Variants in RAB1A observed in about 807,000 individuals in gnomAD.
The protein encoded by RAB1A is RAB1A, member RAS oncogene family.
RAB1A carries 2 observed loss-of-function variants against 26.0 expected under a neutral mutation model. The observed-to-expected ratio is 0.08, with a 90% confidence interval of 0.03 to 0.24. The LOEUF (loss-of-function observed/expected upper bound fraction) is 0.24. RAB1A is among the 10% of genes least tolerant of loss of function. The pLI, the probability that RAB1A is intolerant of heterozygous loss-of-function variation, is 1.00. For synonymous variants in RAB1A, 84 were observed against 84.9 expected, an observed-to-expected ratio of 0.99 and a Z score of 0.06; for missense variants, 100 against 247.0, an observed-to-expected ratio of 0.40 and a Z score of 3.99.
chr2:65,104,667 C>G, intron 2 of RAB1A, 67 bp downstream of exon 2: 1 of 1,165,998 alleles, frequency 8.6e-7, no homozygotes, highest in East Asian at 2.6e-5. Context: ...TTAATTTTAT[C>G]TACCTAGAAA....
At chr2:65,119,896 G>C (rs1463944256) in intron 1 of RAB1A, among the ~76,000 whole-genome samples, 3 of 120,308 alleles carry the variant, frequency 2.5e-5, no homozygotes, top group African/African-American at 9.6e-5. Context: ...AAATAAAAAA[G>C]AGAGTAAGTT....
chr2:65,094,983 C>T (rs999092956), intron 3 of RAB1A, among the ~76,000 whole-genome samples: 1 of 151,976 alleles, frequency 6.6e-6, no homozygotes, highest in Non-Finnish European at 1.5e-5. Flanking sequence ...CTCTACAAGG[C>T]GGAGGAATAA....
intron 1 of RAB1A, among the ~76,000 whole-genome samples, chr2:65,128,299 T>A (rs1670151805): frequency 6.6e-6 from 1 of 152,170 alleles, no homozygotes; most frequent in Non-Finnish European, 1.5e-5. Context: ...AATAAACATA[T>A]ATATAGCAAA....
At chr2:65,126,143 G>T (rs552711987) in intron 1 of RAB1A, among the ~76,000 whole-genome samples, 26 of 151,838 alleles carry the variant, frequency 1.7e-4, no homozygotes, top group Non-Finnish European at 3.4e-4. Flanking sequence ...CATTAGAGAT[G>T]GCTGGGTACT....
At chr2:65,094,557 C>A (rs1457444443) in intron 3 of RAB1A, among the ~76,000 whole-genome samples, 2 of 146,528 alleles carry the variant, frequency 1.4e-5, no homozygotes, top group African/African-American at 5.1e-5. Flanking sequence ...GCACTCCAGT[C>A]TGGGCAACAA....
intron 2 of RAB1A, among the ~76,000 whole-genome samples, chr2:65,100,577 T>A (rs149597821): frequency 6.6e-6 from 1 of 151,636 alleles, no homozygotes; most frequent in Non-Finnish European, 1.5e-5. Context: ...CTGGCCAACA[T>A]GGTGAAACCC....
At chr2:65,098,247 C>T (rs549167314) in intron 2 of RAB1A, among the ~76,000 whole-genome samples, 181 bp from the exon 3 acceptor site, 1 of 152,298 alleles carries the variant, frequency 6.6e-6, no homozygotes, top group Non-Finnish European at 1.5e-5. Context: ...ACTCCATCCA[C>T]TTTCAGTACT....
intron 3 of RAB1A, among the ~76,000 whole-genome samples, chr2:65,093,917 C>G (rs1399010981): frequency 6.6e-6 from 1 of 150,926 alleles, no homozygotes; most frequent in Non-Finnish European, 1.5e-5. Flanking sequence ...CCACCGTGCC[C>G]GGCCTGTGTT....
At position 65,108,573 on chromosome 2, in the gene RAB1A, G is replaced by A. The variant is rs140608193; in HGVS notation, c.24-3767C>T. ...TGTAATCCCAGCACTCTGGGAGGCC[G>A]AAGCAGGTGGATCACCTGAGGTTGG... On this transcript the variant is annotated intron_variant, in intron 1 of 5. Coordinates refer to ENST00000409784, the MANE Select transcript of RAB1A (RefSeq NM_004161.5). Among the ~76,000 whole-genome samples, 1,157 of 151,302 alleles carry A rather than the reference G, an allele frequency of 7.6e-3. 12 individuals carry two copies. Among genetic ancestry groups the A allele is most frequent in the African/African-American group, 0.027 (1,095 of 41,218 alleles).
At chr2:65,090,716 T>G (rs868108982) in intron 4 of RAB1A, among the ~76,000 whole-genome samples, 1 of 152,342 alleles carries the variant, frequency 6.6e-6, no homozygotes, top group Non-Finnish European at 1.5e-5. Context: ...GTTAGAGTCT[T>G]GGCTATTTGA....
chr2:65,111,655 C>G (rs1669697323), intron 1 of RAB1A, among the ~76,000 whole-genome samples: 2 of 152,158 alleles, frequency 1.3e-5, no homozygotes, highest in East Asian at 3.9e-4. Flanking sequence ...ACAAATGTAC[C>G]ATGTATGTAA....
At chr2:65,109,892 C>T (rs191487438) in intron 1 of RAB1A, among the ~76,000 whole-genome samples, 1 of 152,212 alleles carries the variant, frequency 6.6e-6, no homozygotes, top group East Asian at 1.9e-4. Flanking sequence ...GTCTGTGTTT[C>T]TCCACCCTTA....
At chr2:65,090,149 ATAG>A (rs778618231) in intron 4 of RAB1A, among the ~76,000 whole-genome samples, 3 of 152,174 alleles carry the variant, frequency 2.0e-5, no homozygotes, top group Non-Finnish European at 2.9e-5. Context: ...TTTCACGGTA[ATAG>A]TAGAGATTTT....
At chr2:65,111,135 G>GTA (rs1669684483) in intron 1 of RAB1A, among the ~76,000 whole-genome samples, 1 of 152,202 alleles carries the variant, frequency 6.6e-6, no homozygotes, top group Admixed American at 6.6e-5. Flanking sequence ...GCCAACGCGG[G>GTA]TGGATTGCCT....
At chr2:65,101,432 C>G (rs78429303) in intron 2 of RAB1A, among the ~76,000 whole-genome samples, 3 of 152,178 alleles carry the variant, frequency 2.0e-5, no homozygotes, top group East Asian at 3.9e-4. Flanking sequence ...ATAGTCCTCA[C>G]GATTGTCTCT....
intron 2 of RAB1A, among the ~76,000 whole-genome samples, chr2:65,098,651 C>T (rs1669345822): frequency 6.6e-6 from 1 of 152,030 alleles, no homozygotes; most frequent in African/African-American, 2.4e-5. Context: ...AGGACATTTT[C>T]TTCACTCCAG....
At chr2:65,089,702 A>ATTTTTT (rs58993413) in intron 4 of RAB1A, among the ~76,000 whole-genome samples, 5,980 of 141,512 alleles carry the variant, frequency 0.042, 129 homozygotes, top group South Asian at 0.065. Flanking sequence ...AATTTGATTA[A>ATTTTTT]TTTTTTTTTT....
At chr2:65,126,253 G>A (rs1031750738) in intron 1 of RAB1A, among the ~76,000 whole-genome samples, 2 of 151,672 alleles carry the variant, frequency 1.3e-5, no homozygotes, top group African/African-American at 4.8e-5. Flanking sequence ...GGCAGAGATT[G>A]CAGTGAGCCA....
At chr2:65,124,721 A>G (rs1670056306) in intron 1 of RAB1A, among the ~76,000 whole-genome samples, 1 of 152,214 alleles carries the variant, frequency 6.6e-6, no homozygotes, top group Non-Finnish European at 1.5e-5. Flanking sequence ...TGCTGTGATT[A>G]TAGGCATGAG....
Sources: allele counts gnomAD v4.1 joint callset (sites outside exome capture counted in the v4.1 genomes callset), GRCh38; gene constraint gnomAD v4.1.1; transcripts MANE v1.5; gene names NCBI Gene and HGNC (gene_info 2026-07-23, HGNC 2026-07-21).